GRID2: variants seen among roughly 807,000 people sequenced by gnomAD.
The protein encoded by GRID2 is glutamate ionotropic receptor delta type subunit 2.
A neutral mutation model predicts 114.8 loss-of-function variants in GRID2; 33 were observed. The observed-to-expected ratio is 0.29, with a 90% CI of 0.22 to 0.38. The LOEUF (loss-of-function observed/expected upper bound fraction) is 0.38, where lower values mean the gene tolerates loss of function less well. Among genes scored for constraint, GRID2 ranks in the 10% least tolerant of loss-of-function variants. GRID2 has a pLI of 1.00. For missense variants in GRID2, 1,184 were observed against 1,257.7 expected, an observed-to-expected ratio of 0.94 and a Z score of 0.89; for synonymous variants, 505 against 449.9, an observed-to-expected ratio of 1.12 and a Z score of -1.55.
At chr4:93,463,239 A>G (rs1723921856) in intron 11 of GRID2, among the ~76,000 whole-genome samples, 1 of 152,208 alleles carries the variant, frequency 6.6e-6, no homozygotes, top group Non-Finnish European at 1.5e-5. Context: ...TGAATGTTCA[A>G]ATTCTACCAA....
intron 1 of GRID2, among the ~76,000 whole-genome samples, chr4:92,460,411 C>T (rs1460461635): frequency 6.6e-6 from 1 of 151,982 alleles, no homozygotes; most frequent in Non-Finnish European, 1.5e-5. Flanking sequence ...TTACTTCTCC[C>T]TTCCGAAATT....
chr4:92,871,947 A>G (rs1745310218), intron 2 of GRID2, among the ~76,000 whole-genome samples: 1 of 152,156 alleles, frequency 6.6e-6, no homozygotes, highest in African/African-American at 2.4e-5. Flanking sequence ...AATTAAATGT[A>G]TAGTGAAATT....
At chr4:92,652,927 A>AATATATATAAACATATATTTAT (rs1732031874) in intron 2 of GRID2, among the ~76,000 whole-genome samples, 3 of 142,054 alleles carry the variant, frequency 2.1e-5, no homozygotes, top group African/African-American at 7.7e-5. Flanking sequence ...AATACATATA[A>AATATATATAAACATATATTTAT]ATATATATAA....
At chr4:93,013,451 T>C (rs1432201263) in intron 2 of GRID2, among the ~76,000 whole-genome samples, 1 of 152,030 alleles carries the variant, frequency 6.6e-6, no homozygotes, top group Non-Finnish European at 1.5e-5. Context: ...ACTATCCATA[T>C]GTTGCTTTTT....
intron 2 of GRID2, among the ~76,000 whole-genome samples, chr4:92,631,170 C>A (rs978956175): frequency 2.0e-5 from 3 of 152,034 alleles, no homozygotes; most frequent in African/African-American, 7.2e-5. Context: ...AAAAATCATG[C>A]TTTAGATAAC....
intron 7 of GRID2, among the ~76,000 whole-genome samples, chr4:93,234,162 G>T (rs1473541290): frequency 6.6e-6 from 1 of 151,972 alleles, no homozygotes; most frequent in African/African-American, 2.4e-5. Context: ...TAAACTTTTT[G>T]TCATGGGGAT....
intron 11 of GRID2, among the ~76,000 whole-genome samples, chr4:93,475,514 G>A (rs937450716): frequency 6.6e-6 from 1 of 152,028 alleles, no homozygotes; most frequent in Non-Finnish European, 1.5e-5. Context: ...TGACATTTTG[G>A]AGGCTTAAAA....
At chr4:93,769,006 A>C (rs1733901273) in intron 14 of GRID2, among the ~76,000 whole-genome samples, 1 of 152,164 alleles carries the variant, frequency 6.6e-6, no homozygotes. Context: ...GAGAGAGGAA[A>C]GCAGTGTGGT....
intron 2 of GRID2, among the ~76,000 whole-genome samples, chr4:92,778,661 T>C (rs1380135780): frequency 6.6e-6 from 1 of 152,156 alleles, no homozygotes; most frequent in South Asian, 2.1e-4. Flanking sequence ...TTGGCAATAA[T>C]AATTTTATGG....
intron 2 of GRID2, among the ~76,000 whole-genome samples, chr4:92,853,541 T>G (rs1743974140): frequency 6.6e-6 from 1 of 151,978 alleles, no homozygotes; most frequent in South Asian, 2.1e-4. Flanking sequence ...TTTGACTCCA[T>G]AAAATAAAGA....
At chr4:92,740,717 T>G (rs1273880968) in intron 2 of GRID2, among the ~76,000 whole-genome samples, 2 of 145,682 alleles carry the variant, frequency 1.4e-5, no homozygotes, top group African/African-American at 5.3e-5. Context: ...GATAGATAGA[T>G]AGATAGATAG....
At chr4:93,612,992 T>G (rs1437552446) in intron 13 of GRID2, among the ~76,000 whole-genome samples, 5 of 143,784 alleles carry the variant, frequency 3.5e-5, no homozygotes, top group Non-Finnish European at 7.7e-5. Context: ...CCCATATTTC[T>G]TGGAGGCTTT....
intron 6 of GRID2, among the ~76,000 whole-genome samples, chr4:93,221,306 G>C (rs888601103): frequency 6.6e-6 from 1 of 152,124 alleles, no homozygotes; most frequent in Non-Finnish European, 1.5e-5. Context: ...AACGATACCA[G>C]GTGATGAAAA....
intron 2 of GRID2, among the ~76,000 whole-genome samples, chr4:92,756,473 A>T (rs1737725405): frequency 6.6e-6 from 1 of 152,172 alleles, no homozygotes; most frequent in South Asian, 2.1e-4. Flanking sequence ...TAGTGAGATT[A>T]TTCAATCAAA....
At chr4:93,540,886 T>C in intron 13 of GRID2, among the ~76,000 whole-genome samples, 1 of 152,224 alleles carries the variant, frequency 6.6e-6, no homozygotes, top group East Asian at 1.9e-4. Flanking sequence ...GTTCATTAAA[T>C]ATCAACTTCC....
chr4:92,539,021 G>A (rs1024301582), intron 1 of GRID2, among the ~76,000 whole-genome samples: 23 of 144,616 alleles, frequency 1.6e-4, no homozygotes, highest in Admixed American at 4.2e-4. Flanking sequence ...CAGCCTGGGC[G>A]ACAGAGCAAG....
intron 8 of GRID2, among the ~76,000 whole-genome samples, chr4:93,260,275 C>T (rs571559897): frequency 2.5e-4 from 38 of 151,316 alleles, no homozygotes; most frequent in South Asian, 8.3e-4. Flanking sequence ...ATTTTTGATT[C>T]TATATGTTAT....
chr4:92,953,445 T>A (rs2149137949), intron 2 of GRID2, among the ~76,000 whole-genome samples: 1 of 152,288 alleles, frequency 6.6e-6, no homozygotes, highest in South Asian at 2.1e-4. Flanking sequence ...TTCTAAAAAC[T>A]TTCTTCAAAT....
chr4:93,618,616 G>T (rs777187504), intron 13 of GRID2, among the ~76,000 whole-genome samples: 44 of 152,258 alleles, frequency 2.9e-4, no homozygotes, highest in Non-Finnish European at 5.6e-4. Flanking sequence ...CAGTTTAAAG[G>T]CAACAGAACA....
Sources: allele counts gnomAD v4.1 joint callset (sites outside exome capture counted in the v4.1 genomes callset), GRCh38; gene constraint gnomAD v4.1.1; transcripts MANE v1.5; gene names NCBI Gene and HGNC (gene_info 2026-07-23, HGNC 2026-07-21).